Variants in LCN8 observed in about 807,000 individuals in gnomAD.
LCN8 encodes epididymal-specific lipocalin-8.
In LCN8, 16 loss-of-function variants were observed where a neutral mutation model predicts 22.8. That is an observed-to-expected ratio of 0.70 (90% CI 0.47 to 1.06). The LOEUF (loss-of-function observed/expected upper bound fraction) is 1.06. Ranked by LOEUF, LCN8 falls within the 50% of genes least tolerant of loss-of-function variation. The probability of loss-of-function intolerance (pLI) is 0.00; values close to 1 mark genes in which losing one functional copy is unlikely to be tolerated. For missense variants in LCN8, 189 were observed against 203.3 expected (o/e 0.93, Z 0.43); for synonymous variants, 92 against 83.4 (o/e 1.10, Z -0.56).
chr9:136,758,243 T>C lies in LCN8; in HGVS notation c.-313A>G, dbSNP rs1488160722. ...CTGGCATATGGACAGCGGTGGACGC[T>C]GCTGGGGCCGTCTCGGAGCCTGAGA... On this transcript the variant is annotated 5_prime_UTR_variant, in exon 1 of 7. Transcript: ENST00000371688. 1.6e-6 allele frequency: 2 copies of C among 1,276,130 alleles called. No homozygotes were observed. 79.1% of individuals were successfully genotyped at this position (1,276,130 alleles called of 1,614,324 possible). A position where few individuals can be genotyped will look rare whatever the true frequency, so the allele number is the denominator to read the frequency against.
In LCN8 at chr9:136,755,123, G is replaced by A. The variant is rs1847151866; in HGVS notation, c.447+12C>T. On this transcript the variant is annotated intron_variant, in intron 6 of 6. Coordinates refer to ENST00000371688, the MANE Select transcript of LCN8 (RefSeq NM_178469.4). ...AACTTCAGCACAGGCCAGGGTCGGG[G>A]GTCAGGCTCACCTCCTTCAGGAGCT... 1.3e-6 allele frequency: 2 copies of A among 1,558,018 alleles called. No individual in the cohort carries two copies. Among genetic ancestry groups the A allele is most frequent in the Admixed American group, 1.9e-5 (1 of 53,146 alleles).
chr9:136,756,317 G>A, intron 3 of LCN8: 2 of 1,531,738 alleles, frequency 1.3e-6, no homozygotes, highest in Non-Finnish European at 1.7e-6. Flanking sequence ...ATGTGGAACA[G>A]TGCAGGGAGC....
rs764121594 is a variant in LCN8, at chr9:136,754,459, C to T, written c.*39G>A. 36 of 771,910 alleles carry T rather than the reference C, an allele frequency of 4.7e-5. No individual in the cohort carries two copies. Among genetic ancestry groups the T allele is most frequent in the South Asian group, 1.9e-4 (13 of 69,698 alleles). 47.8% of individuals were successfully genotyped at this position (771,910 alleles called of 1,614,324 possible). The stretch of plus-strand genomic sequence containing the variant: ...GGTGCCCAGGAGGGGCAGGGGTGGG[C>T]GGGCGCTCCGAACCTTGTGGTCTGA... On this transcript the variant is annotated 3_prime_UTR_variant, in exon 7 of 7. Transcript: ENST00000371688.
In LCN8 at chr9:136,757,074, C is replaced by T. The variant is rs1225044356; in HGVS notation, c.119G>A (p.Ser40Asn). ...AACCTTCACGGTCAGGTTACTCCCG[C>T]TCAAGGTGAGGAACAAGCCCTCCAC... is the stretch of plus-strand genomic sequence containing the variant. ...KRVEGLFLTL[S>N]GSNLTVKVAY... Residue 40 changes from serine (S) to asparagine (N), a missense_variant, in exon 2 of 7, where the codon AGC becomes AAC. Coordinates refer to ENST00000371688, the MANE Select transcript of LCN8 (RefSeq NM_178469.4). 2 of 1,613,580 alleles carry T rather than the reference C, an allele frequency of 1.2e-6. No individual in the cohort carries two copies. Among genetic ancestry groups the T allele is most frequent in the African/African-American group, 1.3e-5 (1 of 75,036 alleles).
chr9:136,755,179 T>C lies in LCN8; in HGVS notation c.422-19A>G. 1 of 1,605,104 alleles carries C rather than the reference T, an allele frequency of 6.2e-7. No individual in the cohort carries two copies. The highest frequency in any genetic ancestry group is 8.5e-7 in the Non-Finnish European group (1 of 1,175,394). On this transcript the variant is annotated intron_variant, in intron 5 of 6. Coordinates refer to ENST00000371688, the MANE Select transcript of LCN8 (RefSeq NM_178469.4). ...CACCGCCCTGCAGGATAGGCCAGCA[T>C]GAGGAGCTGCAGAGTCAGCCCACAG...
intron 6 of LCN8, 61 bp from the exon 7 acceptor site, chr9:136,754,570 C>T (rs987568228): frequency 5.3e-5 from 82 of 1,537,304 alleles, no homozygotes; most frequent in Non-Finnish European, 6.4e-5. Context: ...CACGGGGCTT[C>T]GATGAGGGCC....
chr9:136,754,565 G>A (rs1434052385), intron 6 of LCN8, 56 bp from the exon 7 acceptor site: 17 of 1,540,688 alleles, frequency 1.1e-5, no homozygotes, highest in South Asian at 9.6e-5. Context: ...GGCCCCACGG[G>A]GCTTCGATGA....
Position 136,756,715 on chromosome 9 carries a change from C to T in LCN8, c.156-123G>A, listed in dbSNP as rs1231976333. On this transcript the variant is annotated intron_variant, in intron 2 of 6. Transcript: ENST00000371688. Reference sequence around the variant, plus strand: ...GGCAGCACTGTGGAGTATCCCAGGCCTGGAGCAGGATGAGGCGGGGAATGT... The same window carrying T: ...GGCAGCACTGTGGAGTATCCCAGGCTTGGAGCAGGATGAGGCGGGGAATGT... 10 of 1,440,572 alleles carry T rather than the reference C, an allele frequency of 6.9e-6. 1 individual carries two copies. The Middle Eastern group carries it at 8.5e-4, about 122-fold the overall frequency. The allele number at this position is 1,440,572 out of a possible 1,614,324, so 89.2% of individuals were successfully genotyped here.
chr9:136,754,599 C>A (rs1374171135), intron 6 of LCN8, 90 bp from the exon 7 acceptor site: 1 of 1,501,478 alleles, frequency 6.7e-7, no homozygotes, highest in South Asian at 1.3e-5. Flanking sequence ...GGACTTCTGT[C>A]CTCGCTGCCT....
intron 1 of LCN8, 55 bp downstream of exon 1, chr9:136,757,852 G>A: frequency 6.2e-7 from 1 of 1,613,286 alleles, no homozygotes; most frequent in Non-Finnish European, 8.5e-7. Flanking sequence ...CCTTCCCTGA[G>A]CCTGAGGGGT....
Position 136,755,028 on chromosome 9 carries a change from C to T in LCN8, c.447+107G>A. On this transcript the variant is annotated intron_variant, in intron 6 of 6. Transcript: ENST00000371688. ...TGTTCACAGGAAGGGGTGAGAAGGC[C>T]CAGCCCAGGGCCGGGAGGCGGAGCC... is the stretch of plus-strand genomic sequence containing the variant. The T allele has an allele frequency of 2.1e-6, 3 of 1,441,248 alleles. 1 individual carries two copies. In the South Asian group the frequency reaches 4.6e-5, roughly 22 times the overall value. The allele number at this position is 1,441,248 out of a possible 1,614,324, so 89.3% of individuals were successfully genotyped here.
intron 3 of LCN8, chr9:136,755,915 A>G (rs1346704712): frequency 7.8e-7 from 1 of 1,282,104 alleles, no homozygotes; most frequent in East Asian, 5.7e-5. Flanking sequence ...GGAACAGTGC[A>G]GGGAGCATTG....
In LCN8 at chr9:136,755,429, C is replaced by T. The variant is rs138766179; in HGVS notation, c.314G>A (p.Arg105His). 71 of 1,611,384 alleles carry T rather than the reference C, an allele frequency of 4.4e-5. No homozygotes were observed. The highest frequency in any genetic ancestry group is 1.3e-4 in the Admixed American group (8 of 59,972). ...VSLMWRGRNF[R>H]VLKYFTRSLE... ...AAGCTTACTAAAGTACTTGAGGACG[C>T]GAAAGTTCCTGCCCCGCCACATCAG... The change falls in exon 4 of 7, where the codon CGC (arginine) becomes CAC (histidine). Residue 105 changes from arginine (R) to histidine (H), a missense_variant. Coordinates refer to ENST00000371688, the MANE Select transcript of LCN8 (RefSeq NM_178469.4).
At chr9:136,758,516 T>C, upstream of LCN8, 1 of 990,436 alleles carries the variant, frequency 1.0e-6, no homozygotes, top group Non-Finnish European at 1.2e-6. Context: ...ACAGTGACAG[T>C]GGGGAGGGCC....
intron 1 of LCN8, chr9:136,757,681 A>C: frequency 7.7e-6 from 11 of 1,437,804 alleles, no homozygotes; most frequent in Non-Finnish European, 1.0e-5. Flanking sequence ...CATTTTCGGG[A>C]GGAAAGAATC....
chr9:136,757,451 C>A lies in LCN8; in HGVS notation c.25-283G>T, dbSNP rs74584741. 11 of 1,365,162 alleles carry A rather than the reference C, an allele frequency of 8.1e-6. No individual in the cohort carries two copies. In the South Asian group the frequency reaches 1.1e-4, roughly 14 times the overall value. 84.6% of individuals were successfully genotyped at this position (1,365,162 alleles called of 1,614,324 possible). The stretch of plus-strand genomic sequence containing the variant: ...AGTCCCTAGGGCTTCTGCGACATGT[C>A]GGGAGGAACCACAGGCCCTGCCTGA... On this transcript the variant is annotated intron_variant, in intron 1 of 6. Coordinates refer to ENST00000371688, the MANE Select transcript of LCN8 (RefSeq NM_178469.4).
chr9:136,758,312 C>T (rs1847257281), upstream of LCN8: 1 of 1,158,218 alleles, frequency 8.6e-7, no homozygotes, highest in Non-Finnish European at 1.1e-6. Context: ...CGGTGACCCC[C>T]ACCCCACATG....
At position 136,758,051 on chromosome 9, in the gene LCN8, T is replaced by C. The variant is rs1847252191; in HGVS notation, c.-121A>G. Reference sequence around the variant, plus strand: ...TGCTGCACAGCCTGGGCCGATTCTATACGGACAGTGCAGGCTTGTGCGCCC... The same window carrying C: ...TGCTGCACAGCCTGGGCCGATTCTACACGGACAGTGCAGGCTTGTGCGCCC... On this transcript the variant is annotated 5_prime_UTR_variant, in exon 1 of 7. Coordinates refer to ENST00000371688, the MANE Select transcript of LCN8 (RefSeq NM_178469.4). The C allele has an allele frequency of 6.5e-7, 1 of 1,542,028 alleles. No individual in the cohort carries two copies. Among genetic ancestry groups the C allele is most frequent in the Non-Finnish European group, 8.7e-7 (1 of 1,145,756 alleles).
intron 6 of LCN8, chr9:136,754,854 C>T: frequency 1.7e-5 from 23 of 1,360,774 alleles, no homozygotes; most frequent in Non-Finnish European, 1.8e-5. Flanking sequence ...TTTCTGCTCC[C>T]CTGCCCCACC....
Sources: allele counts gnomAD v4.1 joint callset, GRCh38; gene constraint gnomAD v4.1.1; transcripts MANE v1.5; gene names NCBI Gene and HGNC (gene_info 2026-07-23, HGNC 2026-07-21).